Variants in LMO7 observed in about 807,000 individuals in gnomAD.
The protein encoded by LMO7 is LIM domain 7.
LMO7 carries 120 observed loss-of-function variants against 206.5 expected under a neutral mutation model. The ratio of observed to expected loss-of-function variants is 0.58; its 90% confidence interval spans 0.50 to 0.68. The LOEUF is 0.68. LMO7 is among the 30% of genes least tolerant of loss of function. The probability of loss-of-function intolerance (pLI) is 0.00; values close to 1 mark genes in which losing one functional copy is unlikely to be tolerated. For synonymous variants in LMO7, 706 were observed against 681.5 expected, an observed-to-expected ratio of 1.04 and a Z score of -0.56; for missense variants, 1,959 against 1,957.9, an observed-to-expected ratio of 1.00 and a Z score of -0.01.
chr13:75,782,538 C>G (rs2051677882), intron 4 of LMO7, among the ~76,000 whole-genome samples: 1 of 152,304 alleles, frequency 6.6e-6, no homozygotes, highest in South Asian at 2.1e-4. Flanking sequence ...TGTTTATTTT[C>G]TGTTGCCGCT....
intron 1 of LMO7, among the ~76,000 whole-genome samples, chr13:75,637,922 T>C (rs1275318791): frequency 6.6e-6 from 1 of 152,150 alleles, no homozygotes; most frequent in African/African-American, 2.4e-5. Flanking sequence ...CTTAGAAAGA[T>C]GTGAAGGGAG....
intron 1 of LMO7, among the ~76,000 whole-genome samples, chr13:75,670,772 C>G (rs1044020223): frequency 1.3e-5 from 2 of 152,084 alleles, no homozygotes; most frequent in Non-Finnish European, 2.9e-5. Flanking sequence ...TATACTTACA[C>G]TATACTAAAT....
intron 2 of LMO7, among the ~76,000 whole-genome samples, chr13:75,722,769 G>A (rs1236304372): frequency 6.6e-6 from 1 of 152,158 alleles, no homozygotes; most frequent in Non-Finnish European, 1.5e-5. Context: ...CAGCCCAAAT[G>A]CCCATCAATC....
chr13:75,653,499 T>C (rs892232727), intron 1 of LMO7, among the ~76,000 whole-genome samples: 2 of 152,256 alleles, frequency 1.3e-5, no homozygotes, highest in African/African-American at 2.4e-5. Context: ...AGACAGTGCC[T>C]GGAGCCTTGA....
chr13:75,703,699 C>G (rs1053434901), intron 1 of LMO7, among the ~76,000 whole-genome samples: 3 of 150,990 alleles, frequency 2.0e-5, no homozygotes, highest in African/African-American at 4.9e-5. Context: ...CTCAGCTTCT[C>G]TGACTTCAGG....
chr13:75,679,377 T>A (rs2040292429), intron 1 of LMO7, among the ~76,000 whole-genome samples: 1 of 152,238 alleles, frequency 6.6e-6, no homozygotes, highest in Non-Finnish European at 1.5e-5. Context: ...CCTATACTTC[T>A]GTCTTCATAG....
chr13:75,835,158 G>T (rs769194307), intron 17 of LMO7, 75 bp from the exon 18 acceptor site: 1 of 1,586,656 alleles, frequency 6.3e-7, no homozygotes, highest in Non-Finnish European at 8.6e-7. Context: ...TCAGACTGGG[G>T]CAAAGACCAA....
chr13:75,812,405 G>T (rs747306723), intron 11 of LMO7, among the ~76,000 whole-genome samples: 1 of 152,196 alleles, frequency 6.6e-6, no homozygotes, highest in Admixed American at 6.5e-5. Flanking sequence ...ACATAAATCA[G>T]TATGTTCCTA....
At chr13:75,636,000 G>C (rs982979939), upstream of LMO7, 2 of 153,664 alleles carry the variant, frequency 1.3e-5, no homozygotes, top group Admixed American at 6.6e-5. Flanking sequence ...GCCGCGAGCC[G>C]GGAGGGGCGC....
intron 2 of LMO7, chr13:75,627,011 A>C (rs1472669538): frequency 1.3e-5 from 2 of 152,128 alleles, no homozygotes; most frequent in Non-Finnish European, 2.9e-5. Flanking sequence ...GGTTATTATA[A>C]AAATTGTAGT....
chr13:75,691,915 G>A (rs9565185), intron 1 of LMO7, among the ~76,000 whole-genome samples: 3,193 of 152,128 alleles, frequency 0.021, 45 homozygotes, highest in Non-Finnish European at 0.025. Flanking sequence ...GGCCTGCTGA[G>A]TTCTCTAACT....
At chr13:75,744,106 TAG>T (rs1280995674) in intron 3 of LMO7, among the ~76,000 whole-genome samples, 1 of 152,158 alleles carries the variant, frequency 6.6e-6, no homozygotes, top group Non-Finnish European at 1.5e-5. Context: ...TTCATTATGG[TAG>T]AGTTATTTAT....
At chr13:75,819,333 C>T (rs773178522) in intron 12 of LMO7, 60 bp from the exon 13 acceptor site, 4 of 1,494,844 alleles carry the variant, frequency 2.7e-6, no homozygotes, top group African/African-American at 2.8e-5. Flanking sequence ...CACATTCTGT[C>T]TGCTAGAAAG....
chr13:75,661,800 C>T (rs1272590217), intron 1 of LMO7, among the ~76,000 whole-genome samples: 4 of 152,144 alleles, frequency 2.6e-5, no homozygotes, highest in Non-Finnish European at 5.9e-5. Context: ...AGTTTGCATG[C>T]TGTAAAATCT....
chr13:75,643,857 C>T (rs531119284), intron 1 of LMO7, among the ~76,000 whole-genome samples: 1 of 152,160 alleles, frequency 6.6e-6, no homozygotes, highest in African/African-American at 2.4e-5. Flanking sequence ...GTAGTATGCT[C>T]AAAGACTGGT....
chr13:75,735,349 C>CTG (rs1049144343), intron 3 of LMO7, among the ~76,000 whole-genome samples: 2 of 151,606 alleles, frequency 1.3e-5, no homozygotes, highest in African/African-American at 4.9e-5. Context: ...TTGGTGGGTT[C>CTG]TGTGTGTATT....
chr13:75,834,698 T>G (rs2058976187), intron 17 of LMO7, among the ~76,000 whole-genome samples: 1 of 152,186 alleles, frequency 6.6e-6, no homozygotes, highest in Non-Finnish European at 1.5e-5. Context: ...TATTGAGTAT[T>G]AAGAATTATG....
At chr13:75,632,902 C>T (rs938641741), upstream of LMO7, among the ~76,000 whole-genome samples, 2 of 85,858 alleles carry the variant, frequency 2.3e-5, no homozygotes, top group East Asian at 2.9e-4. Flanking sequence ...GTTCTGTTGC[C>T]CAGGCTGGAG....
At chr13:75,674,528 T>C (rs1315575186) in intron 1 of LMO7, among the ~76,000 whole-genome samples, 3 of 152,196 alleles carry the variant, frequency 2.0e-5, no homozygotes, top group Non-Finnish European at 2.9e-5. Context: ...AAAAATATAA[T>C]TGAAGTAAAA....
Sources: allele counts gnomAD v4.1 joint callset (sites outside exome capture counted in the v4.1 genomes callset), GRCh38; gene constraint gnomAD v4.1.1; transcripts MANE v1.5; gene names NCBI Gene and HGNC (gene_info 2026-07-23, HGNC 2026-07-21).